DERL1: variants seen among roughly 807,000 people sequenced by gnomAD.
The protein encoded by DERL1 is derlin-1.
A neutral mutation model predicts 41.6 loss-of-function variants in DERL1; 24 were observed. That is an observed-to-expected ratio of 0.58 (90% confidence interval 0.42 to 0.81). The LOEUF is 0.81. Ranked by LOEUF, DERL1 falls within the 30% of genes least tolerant of loss-of-function variation. The pLI, the probability that DERL1 is intolerant of heterozygous loss-of-function variation, is 0.00. For synonymous variants in DERL1, 124 were observed against 112.5 expected (o/e 1.10, Z -0.65); for missense variants, 260 against 314.3 (o/e 0.83, Z 1.31).
intron 1 of DERL1, among the ~76,000 whole-genome samples, chr8:123,039,307 A>G (rs185737332): frequency 3.9e-5 from 6 of 152,286 alleles, no homozygotes; most frequent in African/African-American, 1.4e-4. Flanking sequence ...TTTGTTCACA[A>G]GGCTCCAAAG....
chr8:123,029,190 T>C (rs1417566764), intron 2 of DERL1, among the ~76,000 whole-genome samples: 1 of 152,170 alleles, frequency 6.6e-6, no homozygotes, highest in African/African-American at 2.4e-5. Context: ...AAATCACATA[T>C]TCTGGTAGAT....
Position 123,014,503 on chromosome 8 carries a change from G to A in DERL1, c.*944C>T, listed in dbSNP as rs1814502085. 6.6e-6 allele frequency: 1 copy of A among 152,658 alleles called. No homozygotes were observed. Among genetic ancestry groups the A allele is most frequent in the Non-Finnish European group, 1.5e-5 (1 of 68,056 alleles). The allele number at this position is 152,658 out of a possible 1,614,324, so 9.5% of individuals were successfully genotyped here. On this transcript the variant is annotated 3_prime_UTR_variant, in exon 8 of 8. Coordinates refer to ENST00000259512, the MANE Select transcript of DERL1 (RefSeq NM_024295.6). ...TACTCAATGAACACATATCCAGAATGAGATTGAAATGGAATCAATGCCCAG... is the reference window on the plus strand; with the variant it reads ...TACTCAATGAACACATATCCAGAATAAGATTGAAATGGAATCAATGCCCAG...
At chr8:123,021,362 G>A in intron 6 of DERL1, 85 bp downstream of exon 6, 1 of 1,272,118 alleles carries the variant, frequency 7.9e-7, no homozygotes, top group Non-Finnish European at 1.1e-6. Context: ...ATTCTTTAAA[G>A]TTGTATAAAG....
At chr8:123,028,902 A>G (rs1321307239) in intron 2 of DERL1, among the ~76,000 whole-genome samples, 2 of 152,052 alleles carry the variant, frequency 1.3e-5, no homozygotes, top group Non-Finnish European at 2.9e-5. Flanking sequence ...CCCCATCTCT[A>G]CAAAAAATAC....
In DERL1 at chr8:123,013,676, A is replaced by G. The variant is rs1179016006; in HGVS notation, c.*1771T>C. The G allele has an allele frequency of 6.6e-6, 1 of 152,216 alleles. No homozygotes were observed. Among genetic ancestry groups the G allele is most frequent in the African/African-American group, 2.4e-5 (1 of 41,438 alleles). 9.4% of individuals were successfully genotyped at this position (152,216 alleles called of 1,614,324 possible). On this transcript the variant is annotated 3_prime_UTR_variant, in exon 8 of 8. Transcript: ENST00000259512. ...TGCTCGCAGGCAGCTGACTGGTAAG[A>G]GGGTACACCAGAGACTCCGGGTCAC...
chr8:123,031,744 C>T (rs565461315), intron 1 of DERL1, among the ~76,000 whole-genome samples: 74 of 152,192 alleles, frequency 4.9e-4, no homozygotes, highest in African/African-American at 1.6e-3. Context: ...TCATTCCCTA[C>T]AAAATATTTT....
chr8:123,031,962 T>C (rs920967953), intron 1 of DERL1, among the ~76,000 whole-genome samples: 42 of 152,196 alleles, frequency 2.8e-4, no homozygotes, highest in African/African-American at 9.9e-4. Flanking sequence ...CAATTTATAC[T>C]TCCTCCTAAA....
At position 123,042,002 on chromosome 8, in the gene DERL1, G is replaced by A. The variant is rs760414753; in HGVS notation, c.121C>T (p.Leu41Phe). The A allele has an allele frequency of 1.9e-6, 3 of 1,613,740 alleles. No individual in the cohort carries two copies. The highest frequency in any genetic ancestry group is 1.1e-5 in the South Asian group (1 of 91,002). Reference protein sequence around the residue: ...LGLISPAYLFLWPEAFLYRFQ... With the variant: ...LGLISPAYLFFWPEAFLYRFQ... ...CGATAAAGGAAGGCTTCGGGCCAGAGGAAGAGGTAGGCCGGGCTGATGAGG... is the reference window on the plus strand; with the variant it reads ...CGATAAAGGAAGGCTTCGGGCCAGAAGAAGAGGTAGGCCGGGCTGATGAGG... The change falls in exon 1 of 8, where the codon CTC becomes TTC. Residue 41 changes from leucine to phenylalanine, a missense_variant. Leu to Phe is a conservative substitution (Grantham distance 22). Transcript: ENST00000259512.
chr8:123,028,454 G>A (rs1225911076), intron 2 of DERL1, among the ~76,000 whole-genome samples: 1 of 152,162 alleles, frequency 6.6e-6, no homozygotes, highest in South Asian at 2.1e-4. Context: ...CTGGGAGGAG[G>A]GAAAGTGGGA....
At chr8:123,021,520 G>A (rs376746387) in intron 5 of DERL1, 21 bp from the exon 6 acceptor site, 198 of 1,608,910 alleles carry the variant, frequency 1.2e-4, no homozygotes, top group Non-Finnish European at 1.6e-4. Context: ...ATGAATATAT[G>A]CAAATGTGAG....
intron 2 of DERL1, chr8:123,025,681 A>G (rs1812668630): frequency 1.3e-5 from 2 of 152,386 alleles, no homozygotes; most frequent in African/African-American, 4.8e-5. Flanking sequence ...CTACCAAGGG[A>G]AAACAATGTG....
chr8:123,037,686 G>C (rs1812956441), intron 1 of DERL1, among the ~76,000 whole-genome samples: 1 of 152,168 alleles, frequency 6.6e-6, no homozygotes, highest in African/African-American at 2.4e-5. Flanking sequence ...TTATGCAAAG[G>C]AGTTAAACAA....
At chr8:123,033,030 T>C (rs1812850564) in intron 1 of DERL1, among the ~76,000 whole-genome samples, 1 of 151,892 alleles carries the variant, frequency 6.6e-6, no homozygotes, top group Non-Finnish European at 1.5e-5. Flanking sequence ...CCTGGTAATT[T>C]TGTTTGTTTG....
chr8:123,023,853 C>A, intron 3 of DERL1, 114 bp from the exon 4 acceptor site: 1 of 1,210,850 alleles, frequency 8.3e-7, no homozygotes, highest in Non-Finnish European at 1.2e-6. Context: ...TAATTTGGCT[C>A]ATGCTTGTAA....
At chr8:123,036,183 T>G (rs1490843556) in intron 1 of DERL1, among the ~76,000 whole-genome samples, 1 of 152,152 alleles carries the variant, frequency 6.6e-6, no homozygotes, top group East Asian at 1.9e-4. Context: ...CACCAAGACA[T>G]GTATTAGAAT....
chr8:123,023,977 T>TA, intron 3 of DERL1, among the ~76,000 whole-genome samples: 1 of 152,218 alleles, frequency 6.6e-6, no homozygotes, highest in Non-Finnish European at 1.5e-5. Context: ...TTTTTTTAAT[T>TA]AAAAAAATTT....
intron 7 of DERL1, chr8:123,018,691 G>C (rs971945913): frequency 5.0e-5 from 8 of 159,328 alleles, no homozygotes; most frequent in Non-Finnish European, 8.2e-5. Flanking sequence ...CAGGGGGTTG[G>C]GCCTATACAA....
At chr8:123,036,376 A>G (rs1812928618) in intron 1 of DERL1, among the ~76,000 whole-genome samples, 1 of 152,230 alleles carries the variant, frequency 6.6e-6, no homozygotes, top group Non-Finnish European at 1.5e-5. Flanking sequence ...AACATACTTC[A>G]TAATTCCACC....
At position 123,015,512 on chromosome 8, in the gene DERL1, C is replaced by G. The variant is rs1331613927; in HGVS notation, c.691G>C (p.Ala231Pro). 2 of 1,613,534 alleles carry G rather than the reference C, an allele frequency of 1.2e-6. No individual in the cohort carries two copies. Among genetic ancestry groups the G allele is most frequent in the Admixed American group, 3.3e-5 (2 of 59,902 alleles). ...GVPPASMRRA[A>P]DQNGGGGRHN... ...CTCCCGCCTCCGCCATTCTGATCAG[C>G]AGCTCGCCTCATGCTAGCAGGGGGC... Residue 231 changes from alanine to proline, a missense_variant, in exon 8 of 8, where the codon GCT becomes CCT. Coordinates refer to ENST00000259512, the MANE Select transcript of DERL1 (RefSeq NM_024295.6).
Sources: allele counts gnomAD v4.1 joint callset (sites outside exome capture counted in the v4.1 genomes callset), GRCh38; gene constraint gnomAD v4.1.1; transcripts MANE v1.5; gene names NCBI Gene and HGNC (gene_info 2026-07-23, HGNC 2026-07-21).